Variants in SGCZ observed in about 807,000 individuals in gnomAD.
The protein encoded by SGCZ is sarcoglycan zeta, also known as zeta-sarcoglycan.
SGCZ carries 40 observed loss-of-function variants against 41.3 expected under a neutral mutation model. The ratio of observed to expected loss-of-function variants is 0.97; its 90% CI spans 0.75 to 1.26. SGCZ has a LOEUF of 1.26. Among genes scored for constraint, SGCZ ranks in the 50% most tolerant of loss-of-function variants. SGCZ has a pLI of 0.00. For synonymous variants in SGCZ, 206 were observed against 137.5 expected, an observed-to-expected ratio of 1.50 and a Z score of -3.49; for missense variants, 552 against 369.8, an observed-to-expected ratio of 1.49 and a Z score of -4.04.
intron 2 of SGCZ, among the ~76,000 whole-genome samples, chr8:14,411,532 A>G (rs1799360188): frequency 6.6e-6 from 1 of 152,112 alleles, no homozygotes; most frequent in Non-Finnish European, 1.5e-5. Context: ...CCTACAGCAT[A>G]TAAAGTTCAA....
At chr8:15,195,420 G>A (rs916906059) in intron 1 of SGCZ, among the ~76,000 whole-genome samples, 2 of 152,118 alleles carry the variant, frequency 1.3e-5, no homozygotes, top group African/African-American at 4.8e-5. Context: ...TGCAGGGATG[G>A]CTTTTGTCTG....
chr8:14,335,012 T>C (rs966339160), intron 2 of SGCZ, among the ~76,000 whole-genome samples: 2 of 152,056 alleles, frequency 1.3e-5, no homozygotes, highest in African/African-American at 4.8e-5. Context: ...TGAGGAACTA[T>C]TAGGTAAATG....
chr8:15,018,278 A>G (rs1247710216), intron 1 of SGCZ, among the ~76,000 whole-genome samples: 1 of 152,218 alleles, frequency 6.6e-6, no homozygotes, highest in Non-Finnish European at 1.5e-5. Flanking sequence ...TGTCTTCAAG[A>G]TCAAAAATAA....
intron 1 of SGCZ, among the ~76,000 whole-genome samples, chr8:14,881,891 G>A (rs966889234): frequency 6.6e-5 from 10 of 152,208 alleles, no homozygotes; most frequent in South Asian, 4.1e-4. Flanking sequence ...AGATCATAGC[G>A]CAATCAAATT....
At chr8:15,077,008 T>C (rs1236403359) in intron 1 of SGCZ, among the ~76,000 whole-genome samples, 1 of 152,168 alleles carries the variant, frequency 6.6e-6, no homozygotes, top group Non-Finnish European at 1.5e-5. Context: ...GTGTCTCAAA[T>C]AGGGTTTTAA....
In SGCZ at chr8:14,479,731, C is replaced by CTTTTTTTTTTTTTTTTT. The variant is rs529812029; in HGVS notation, c.234+74984_234+75000dup. Among the ~76,000 whole-genome samples, 96 of 52,944 alleles carry CTTTTTTTTTTTTTTTTT rather than the reference C, an allele frequency of 1.8e-3. 11 individuals carry two copies. Among genetic ancestry groups the CTTTTTTTTTTTTTTTTT allele is most frequent in the African/African-American group, 4.7e-3 (93 of 19,778 alleles). The allele number at this position is 52,944 out of a possible 152,430, so 34.7% of individuals were successfully genotyped here. On this transcript the variant is annotated intron_variant, in intron 2 of 7. Coordinates refer to ENST00000382080, the MANE Select transcript of SGCZ (RefSeq NM_139167.4). ...GTCGCATACCTCCAGAATTCTACTT[C>CTTTTTTTTTTTTTTTTT]TTTTTTTTTTTTTTTTTTTTTTTTT...
At chr8:14,254,327 C>G (rs10113000) in intron 3 of SGCZ, among the ~76,000 whole-genome samples, 101,623 of 152,126 alleles carry the variant, frequency 0.67, 34,328 homozygotes, top group South Asian at 0.79. Context: ...TTCGCTCTCT[C>G]AGAAGCTTAA....
chr8:14,211,231 C>T (rs62492296), intron 4 of SGCZ, among the ~76,000 whole-genome samples: 36,209 of 152,082 alleles, frequency 0.24, 5,559 homozygotes, highest in Non-Finnish European at 0.34. Context: ...ACTCCTGTGT[C>T]TGCTTTCTGT....
chr8:14,247,642 T>A (rs554933015), intron 3 of SGCZ, among the ~76,000 whole-genome samples: 1 of 152,198 alleles, frequency 6.6e-6, no homozygotes, highest in Non-Finnish European at 1.5e-5. Context: ...TTAGGCAACA[T>A]TTGCAGCAAC....
At chr8:14,356,258 T>A (rs1484205485) in intron 2 of SGCZ, among the ~76,000 whole-genome samples, 1 of 152,178 alleles carries the variant, frequency 6.6e-6, no homozygotes, top group African/African-American at 2.4e-5. Context: ...ATTTTCAACT[T>A]AACAGTGGGT....
intron 2 of SGCZ, among the ~76,000 whole-genome samples, chr8:14,518,080 G>A (rs1802678088): frequency 6.6e-6 from 1 of 151,726 alleles, no homozygotes. Flanking sequence ...GTTAATGAAA[G>A]TGCATAGTCT....
intron 1 of SGCZ, among the ~76,000 whole-genome samples, chr8:15,018,456 A>T (rs1440218613): frequency 6.6e-6 from 1 of 152,224 alleles, no homozygotes; most frequent in South Asian, 2.1e-4. Context: ...TAGTCAGGAA[A>T]TGCCTCTCTG....
intron 1 of SGCZ, among the ~76,000 whole-genome samples, chr8:14,786,038 T>A (rs1800756601): frequency 2.0e-5 from 3 of 151,976 alleles, no homozygotes; most frequent in African/African-American, 7.3e-5. Flanking sequence ...CCCTTTATTT[T>A]TAAGACTTTA....
chr8:14,548,299 G>T (rs1162323746), intron 2 of SGCZ, among the ~76,000 whole-genome samples: 1 of 152,120 alleles, frequency 6.6e-6, no homozygotes, highest in East Asian at 1.9e-4. Context: ...GGTTTTAGCA[G>T]CCAGCAACAT....
At chr8:14,368,609 C>A (rs1237745646) in intron 2 of SGCZ, among the ~76,000 whole-genome samples, 1 of 151,938 alleles carries the variant, frequency 6.6e-6, no homozygotes, top group Non-Finnish European at 1.5e-5. Flanking sequence ...CAGAGCTTTG[C>A]ATTATAAGGC....
At chr8:14,546,501 G>A (rs2117165458) in intron 2 of SGCZ, among the ~76,000 whole-genome samples, 1 of 152,240 alleles carries the variant, frequency 6.6e-6, no homozygotes, top group East Asian at 1.9e-4. Context: ...ATTAATAAAT[G>A]TCATTGTACT....
At chr8:14,587,360 C>T (rs1805093056) in intron 1 of SGCZ, among the ~76,000 whole-genome samples, 1 of 147,038 alleles carries the variant, frequency 6.8e-6, no homozygotes, top group African/African-American at 2.5e-5. Context: ...ATTATCTACA[C>T]TTGCATTTGG....
intron 1 of SGCZ, among the ~76,000 whole-genome samples, chr8:15,228,396 T>A (rs1242481553): frequency 6.6e-6 from 1 of 152,190 alleles, no homozygotes; most frequent in Non-Finnish European, 1.5e-5. Context: ...TGATTATTCA[T>A]GGAACTATGA....
chr8:14,394,814 T>A (rs11993691), intron 2 of SGCZ, among the ~76,000 whole-genome samples: 25,498 of 152,052 alleles, frequency 0.17, 5,016 homozygotes, highest in African/African-American at 0.48. Context: ...AATGAACATA[T>A]TGTGTCTAAG....
Sources: gnomAD v4.1 joint callset for allele counts (sites outside exome capture counted in the v4.1 genomes callset) on GRCh38, gnomAD v4.1.1 for gene constraint, MANE v1.5 for transcripts, NCBI Gene and HGNC (gene_info 2026-07-23, HGNC 2026-07-21) for gene names.